HIP1: variants seen among roughly 807,000 people sequenced by gnomAD.
The protein encoded by HIP1 is huntingtin interacting protein 1, also known as huntingtin-interacting protein 1.
In HIP1, 65 loss-of-function variants were observed where a neutral mutation model predicts 147.6. The ratio of observed to expected loss-of-function variants is 0.44; its 90% CI spans 0.36 to 0.54. The LOEUF is 0.54. HIP1 is among the 20% of genes least tolerant of loss of function. HIP1 has a pLI of 0.00. For synonymous variants in HIP1, 479 were observed against 504.0 expected (o/e 0.95, Z 0.67); for missense variants, 1,061 against 1,299.6 (o/e 0.82, Z 2.82).
At chr7:75,562,045 C>T (rs1416578173) in intron 12 of HIP1, 28 bp downstream of exon 12, 3 of 1,346,778 alleles carry the variant, frequency 2.2e-6, no homozygotes, top group Non-Finnish European at 3.2e-6. Context: ...GCTCCTGAAC[C>T]ATCTGCTTGA....
chr7:75,681,448 A>C (rs1554516830), intron 1 of HIP1, among the ~76,000 whole-genome samples: 1 of 148,412 alleles, frequency 6.7e-6, no homozygotes, highest in African/African-American at 2.5e-5. Context: ...TGCTGCCCCT[A>C]GACCAGGGTG....
intron 1 of HIP1, among the ~76,000 whole-genome samples, chr7:75,644,415 T>C (rs1798739989): frequency 6.6e-6 from 1 of 152,046 alleles, no homozygotes; most frequent in East Asian, 1.9e-4. Context: ...CTGCCTCAGC[T>C]TCCCAAGTAG....
intron 1 of HIP1, among the ~76,000 whole-genome samples, chr7:75,706,781 C>T (rs1170138537): frequency 2.7e-4 from 27 of 98,184 alleles, no homozygotes; most frequent in Non-Finnish European, 4.9e-4. Flanking sequence ...ATCCCTCCCC[C>T]CTCCCCCGAC....
At position 75,628,624 on chromosome 7, in the gene HIP1, A is replaced by G. The variant is rs377560249; in HGVS notation, c.121-29377T>C. 1.7e-3 allele frequency among the ~76,000 whole-genome samples: 260 copies of G among 152,218 alleles called. 3 individuals carry two copies. Among genetic ancestry groups the G allele is most frequent in the African/African-American group, 6.0e-3 (251 of 41,536 alleles). ...CTTCCAAGTAGCTGGGATTACAGGCACGTGCTGCCGCACCCGGCTAATTTT... is the reference window on the plus strand; with the variant it reads ...CTTCCAAGTAGCTGGGATTACAGGCGCGTGCTGCCGCACCCGGCTAATTTT... On this transcript the variant is annotated intron_variant, in intron 1 of 30. Coordinates refer to ENST00000336926, the MANE Select transcript of HIP1 (RefSeq NM_005338.7).
chr7:75,548,633 T>G (rs1395271182), intron 23 of HIP1, among the ~76,000 whole-genome samples: 1 of 151,776 alleles, frequency 6.6e-6, no homozygotes. Flanking sequence ...TGCACCACCA[T>G]GCCCAGCTAA....
chr7:75,651,186 A>G (rs1255364778), intron 1 of HIP1, among the ~76,000 whole-genome samples: 1 of 151,928 alleles, frequency 6.6e-6, no homozygotes, highest in Non-Finnish European at 1.5e-5. Context: ...GACCTGAGGC[A>G]CAGTGGCTCA....
At chr7:75,635,813 A>T (rs1292387113) in intron 1 of HIP1, among the ~76,000 whole-genome samples, 1 of 151,872 alleles carries the variant, frequency 6.6e-6, no homozygotes, top group African/African-American at 2.4e-5. Context: ...GCTTGAGCCC[A>T]GGAGTTCGAC....
At position 75,557,680 on chromosome 7, in the gene HIP1, G is replaced by A. The variant is rs143782597; in HGVS notation, c.1555C>T (p.Arg519Cys). The part of the protein sequence containing the change: ...EKKELEDSLE[R>C]ISDQGQRKTQ... ...TTCCGCTGGCCCTGGTCACTGATGC[G>A]CTCCAACGAATCCTCCAGCTCTTTT... Residue 519 changes from arginine to cysteine, a missense_variant, in exon 16 of 31, where the codon CGC (arginine) becomes TGC (cysteine). Arg to Cys is a radical substitution (Grantham distance 180). Transcript: ENST00000336926. 4.3e-5 allele frequency: 70 copies of A among 1,613,596 alleles called. No homozygotes were observed. The East Asian group carries it at 6.2e-4, about 14-fold the overall frequency.
chr7:75,692,214 C>A (rs191610072), intron 1 of HIP1, among the ~76,000 whole-genome samples: 128 of 152,018 alleles, frequency 8.4e-4, no homozygotes, highest in African/African-American at 3.0e-3. Flanking sequence ...TAATGATAAA[C>A]TTGATATTTT....
At chr7:75,702,431 A>G (rs1281542276) in intron 1 of HIP1, among the ~76,000 whole-genome samples, 1 of 152,176 alleles carries the variant, frequency 6.6e-6, no homozygotes, top group African/African-American at 2.4e-5. Flanking sequence ...TTTAGTAGAG[A>G]CAGGGTTTCA....
At chr7:75,728,981 T>C (rs1294328120) in intron 1 of HIP1, among the ~76,000 whole-genome samples, 1 of 150,970 alleles carries the variant, frequency 6.6e-6, no homozygotes, top group Non-Finnish European at 1.5e-5. Flanking sequence ...GGTACTATGC[T>C]CACTACCTAG....
chr7:75,599,264 G>A lies in HIP1; in HGVS notation c.121-17C>T. On this transcript the variant is annotated splice_polypyrimidine_tract_variant and intron_variant, in intron 1 of 30. Coordinates refer to ENST00000336926, the MANE Select transcript of HIP1 (RefSeq NM_005338.7). ...GCTGACAGTCTGAAAAACAAGAAGG[G>A]GGGAGGGAAAGGAGGATGAGATGAA... 1.9e-6 allele frequency: 3 copies of A among 1,600,520 alleles called. No individual in the cohort carries two copies. Among genetic ancestry groups the A allele is most frequent in the Non-Finnish European group, 2.6e-6 (3 of 1,167,682 alleles).
chr7:75,709,109 C>CTTTTTTTTTTTT (rs55720152), intron 1 of HIP1, among the ~76,000 whole-genome samples: 101 of 131,286 alleles, frequency 7.7e-4, no homozygotes, highest in South Asian at 9.6e-4. Context: ...TTTTTCTTTT[C>CTTTTTTTTTTTT]TTTTTTTTTT....
At chr7:75,666,177 AT>A (rs112529087) in intron 1 of HIP1, among the ~76,000 whole-genome samples, 19,731 of 149,986 alleles carry the variant, frequency 0.13, 1,366 homozygotes, top group East Asian at 0.17. Flanking sequence ...AATTAATTTT[AT>A]TTTTTTTTGA....
chr7:75,617,506 C>T (rs995841492), intron 1 of HIP1, among the ~76,000 whole-genome samples: 1 of 152,180 alleles, frequency 6.6e-6, no homozygotes, highest in African/African-American at 2.4e-5. Flanking sequence ...CGTGACCCAC[C>T]GCGCCCAGCC....
chr7:75,730,045 C>T (rs945144569), intron 1 of HIP1, among the ~76,000 whole-genome samples: 3 of 152,122 alleles, frequency 2.0e-5, no homozygotes, highest in African/African-American at 4.8e-5. Flanking sequence ...ATTGTCCTGC[C>T]ATGGGGCCGC....
chr7:75,586,618 T>A, intron 5 of HIP1, 135 bp downstream of exon 5: 1 of 661,278 alleles, frequency 1.5e-6, no homozygotes. Flanking sequence ...ACAGCTTGGG[T>A]ACATGATGTG....
At chr7:75,693,627 C>T (rs531080129) in intron 1 of HIP1, among the ~76,000 whole-genome samples, 16 of 152,092 alleles carry the variant, frequency 1.1e-4, no homozygotes, top group Admixed American at 5.9e-4. Context: ...GTAATCCTGG[C>T]GCTTTGGGAG....
At chr7:75,601,822 G>C (rs1281382738) in intron 1 of HIP1, among the ~76,000 whole-genome samples, 2 of 151,796 alleles carry the variant, frequency 1.3e-5, no homozygotes, top group Non-Finnish European at 2.9e-5. Flanking sequence ...CTGACCCCTT[G>C]TCCATAGGAT....
Sources: gnomAD v4.1 joint callset for allele counts (sites outside exome capture counted in the v4.1 genomes callset) on GRCh38, gnomAD v4.1.1 for gene constraint, MANE v1.5 for transcripts, NCBI Gene and HGNC (gene_info 2026-07-23, HGNC 2026-07-21) for gene names.